The following GRIN2A variants were observed in gnomAD, a reference collection of about 807,000 sequenced individuals.
The protein encoded by GRIN2A is glutamate receptor ionotropic, NMDA 2A.
GRIN2A carries 22 observed loss-of-function variants against 113.4 expected under a neutral mutation model. The observed-to-expected ratio is 0.19, with a 90% CI of 0.14 to 0.28. The LOEUF is 0.28. Among genes scored for constraint, GRIN2A ranks in the 10% least tolerant of loss-of-function variants. The pLI is 1.00. For missense variants in GRIN2A, 1,502 were observed against 1,887.0 expected, an observed-to-expected ratio of 0.80 and a Z score of 3.78; for synonymous variants, 827 against 738.4, an observed-to-expected ratio of 1.12 and a Z score of -1.94.
chr16:9,901,664 TGGTCTCAAACTCCTGACCTC>T (rs2043927300), intron 3 of GRIN2A, among the ~76,000 whole-genome samples: 1 of 152,138 alleles, frequency 6.6e-6, no homozygotes, highest in African/African-American at 2.4e-5. Context: ...TTGGTCAGGC[TGGTCTCAAACTCCTGACCTC>T]AAATGCTCCA....
rs577211452 is a variant in GRIN2A, at chr16:9,851,111, C to G, written c.1123-1150G>C. Among the ~76,000 whole-genome samples, 10 of 152,192 alleles carry G rather than the reference C, an allele frequency of 6.6e-5. No individual in the cohort carries two copies. In the South Asian group the frequency reaches 1.0e-3, roughly 16 times the overall value. ...GTGTCACCAGAAATGAATCTCAAACCCTTAAAGAGAATTCAAACATGCCGG... is the reference window on the plus strand; with the variant it reads ...GTGTCACCAGAAATGAATCTCAAACGCTTAAAGAGAATTCAAACATGCCGG... On this transcript the variant is annotated intron_variant, in intron 4 of 12. Coordinates refer to ENST00000330684, the MANE Select transcript of GRIN2A (RefSeq NM_001134407.3).
At chr16:9,941,794 C>T (rs984103948) in intron 2 of GRIN2A, among the ~76,000 whole-genome samples, 1 of 152,178 alleles carries the variant, frequency 6.6e-6, no homozygotes, top group African/African-American at 2.4e-5. Flanking sequence ...AGTCACGTTG[C>T]TCCTCACTTT....
intron 2 of GRIN2A, among the ~76,000 whole-genome samples, chr16:10,041,047 C>T (rs570185170): frequency 6.6e-6 from 1 of 152,392 alleles, no homozygotes; most frequent in African/African-American, 2.4e-5. Context: ...ACCTCCAATA[C>T]ACAGGTGGTG....
chr16:9,998,346 C>A (rs1039198311), intron 2 of GRIN2A, among the ~76,000 whole-genome samples: 1 of 152,116 alleles, frequency 6.6e-6, no homozygotes, highest in Non-Finnish European at 1.5e-5. Flanking sequence ...ATAGGCAAAT[C>A]CATAGAGACA....
Position 10,044,007 on chromosome 16 carries a change from G to GTGTATATATA in GRIN2A, c.415-105457_415-105456insTATATATACA, listed in dbSNP as rs1555469968. On this transcript the variant is annotated intron_variant, in intron 2 of 12. Coordinates refer to ENST00000330684, the MANE Select transcript of GRIN2A (RefSeq NM_001134407.3). ...TACACATACGTGTGTGTGTGTGTGT[G>GTGTATATATA]TATATATATATATATAGAGAGAGAG... 5.3e-3 allele frequency among the ~76,000 whole-genome samples: 621 copies of GTGTATATATA among 116,676 alleles called. 2 individuals are homozygous for GTGTATATATA. The highest frequency in any genetic ancestry group is 0.02 in the South Asian group (60 of 3,068). 76.5% of individuals were successfully genotyped at this position (116,676 alleles called of 152,430 possible).
intron 9 of GRIN2A, 93 bp downstream of exon 9, chr16:9,829,326 TGATG>T (rs1417287223): frequency 2.6e-6 from 2 of 769,438 alleles, no homozygotes; most frequent in Non-Finnish European, 4.6e-6. Flanking sequence ...GCATTCGAGT[TGATG>T]GATCTCAATG....
At chr16:9,913,817 C>A (rs1312761265) in intron 3 of GRIN2A, among the ~76,000 whole-genome samples, 1 of 152,152 alleles carries the variant, frequency 6.6e-6, no homozygotes, top group African/African-American at 2.4e-5. Context: ...TTGACTCAAT[C>A]CTCAAGGCTC....
intron 10 of GRIN2A, among the ~76,000 whole-genome samples, chr16:9,799,179 C>G (rs958964159): frequency 2.6e-5 from 4 of 152,180 alleles, no homozygotes; most frequent in African/African-American, 4.8e-5. Flanking sequence ...CTATTAAACT[C>G]TGCTGTTGTA....
chr16:10,029,283 C>T (rs1379420576), intron 2 of GRIN2A, among the ~76,000 whole-genome samples: 1 of 152,142 alleles, frequency 6.6e-6, no homozygotes, highest in African/African-American at 2.4e-5. Flanking sequence ...CAACCTCCGC[C>T]TTCCAGGTTC....
intron 4 of GRIN2A, among the ~76,000 whole-genome samples, chr16:9,864,835 T>G (rs1052113326): frequency 2.0e-5 from 3 of 152,188 alleles, no homozygotes; most frequent in African/African-American, 7.2e-5. Context: ...TTCTTCTGTA[T>G]CTGGGGCAAA....
intron 11 of GRIN2A, among the ~76,000 whole-genome samples, chr16:9,787,128 T>TTA (rs1178111584): frequency 1.3e-5 from 2 of 152,140 alleles, no homozygotes; most frequent in Admixed American, 1.3e-4. Context: ...AAAATGCATC[T>TTA]TATATATATA....
At chr16:9,982,809 C>G (rs1359692844) in intron 2 of GRIN2A, among the ~76,000 whole-genome samples, 2 of 152,134 alleles carry the variant, frequency 1.3e-5, no homozygotes, top group Non-Finnish European at 2.9e-5. Flanking sequence ...GAAGGTTTAT[C>G]TTGTTCATTT....
At chr16:9,898,184 C>G (rs1394807874) in intron 3 of GRIN2A, among the ~76,000 whole-genome samples, 5 of 150,910 alleles carry the variant, frequency 3.3e-5, no homozygotes, top group African/African-American at 1.2e-4. Context: ...TGGTATACAG[C>G]TATTAATAAA....
chr16:9,873,531 C>T (rs1019362792), intron 4 of GRIN2A, among the ~76,000 whole-genome samples: 1 of 141,582 alleles, frequency 7.1e-6, no homozygotes, highest in African/African-American at 2.9e-5. Context: ...TGAGACACCC[C>T]CCATCTCTAA....
chr16:10,164,617 T>G (rs775403975), intron 2 of GRIN2A, among the ~76,000 whole-genome samples: 1 of 152,198 alleles, frequency 6.6e-6, no homozygotes, highest in Non-Finnish European at 1.5e-5. Flanking sequence ...AGACAATGGG[T>G]GAGCAATGCC....
intron 2 of GRIN2A, among the ~76,000 whole-genome samples, chr16:10,087,566 C>G (rs2048107165): frequency 6.6e-6 from 1 of 152,244 alleles, no homozygotes; most frequent in South Asian, 2.1e-4. Flanking sequence ...CTTTCATAAA[C>G]AACTCCAAAA....
intron 4 of GRIN2A, among the ~76,000 whole-genome samples, chr16:9,876,762 G>A (rs1334994037): frequency 6.6e-6 from 1 of 152,218 alleles, no homozygotes; most frequent in Non-Finnish European, 1.5e-5. Flanking sequence ...CCATATGGCT[G>A]GATGAATTAC....
At chr16:10,115,437 T>G (rs577108113) in intron 2 of GRIN2A, among the ~76,000 whole-genome samples, 2 of 152,306 alleles carry the variant, frequency 1.3e-5, no homozygotes, top group South Asian at 4.1e-4. Flanking sequence ...CCCACTCCTC[T>G]CTTGTCTTAG....
At chr16:10,151,085 A>C (rs1025512753) in intron 2 of GRIN2A, among the ~76,000 whole-genome samples, 3 of 152,356 alleles carry the variant, frequency 2.0e-5, no homozygotes, top group Non-Finnish European at 4.4e-5. Context: ...CTTTGGCTGC[A>C]TAGCAACCAC....
Sources: gnomAD v4.1 joint callset for allele counts (sites outside exome capture counted in the v4.1 genomes callset) on GRCh38, gnomAD v4.1.1 for gene constraint, MANE v1.5 for transcripts, NCBI Gene and HGNC (gene_info 2026-07-23, HGNC 2026-07-21) for gene names.